Variants in ARHGEF3 observed in about 807,000 individuals in gnomAD.
The protein encoded by ARHGEF3 is 59.8 kDA protein.
Under a neutral mutation model 63.2 loss-of-function variants are expected in ARHGEF3, and 28 were observed. The observed-to-expected ratio is 0.44, with a 90% CI of 0.33 to 0.61. The LOEUF is 0.61. Ranked by LOEUF, ARHGEF3 falls within the 20% of genes least tolerant of loss-of-function variation. The pLI, the probability that ARHGEF3 is intolerant of heterozygous loss-of-function variation, is 0.03. For synonymous variants in ARHGEF3, 266 were observed against 254.2 expected, an observed-to-expected ratio of 1.05 and a Z score of -0.44; for missense variants, 533 against 659.3, an observed-to-expected ratio of 0.81 and a Z score of 2.10.
At chr3:56,964,432 T>C (rs1232430297) in intron 2 of ARHGEF3, among the ~76,000 whole-genome samples, 1 of 152,096 alleles carries the variant, frequency 6.6e-6, no homozygotes, top group African/African-American at 2.4e-5. Context: ...TGAATCCTCT[T>C]TCCAGCAGTC....
chr3:56,824,283 G>T (rs1480120712), intron 4 of ARHGEF3, among the ~76,000 whole-genome samples: 1 of 152,224 alleles, frequency 6.6e-6, no homozygotes, highest in African/African-American at 2.4e-5. Context: ...TGGAGATTTT[G>T]TTGTGGTGGT....
chr3:56,857,550 A>G (rs1483544134), intron 4 of ARHGEF3, among the ~76,000 whole-genome samples: 1 of 152,208 alleles, frequency 6.6e-6, no homozygotes, highest in Admixed American at 6.5e-5. Context: ...ATAGTTTAGT[A>G]ATTGAGTCAG....
chr3:56,967,162 C>CT (rs1165656871), intron 2 of ARHGEF3, among the ~76,000 whole-genome samples: 122 of 137,480 alleles, frequency 8.9e-4, no homozygotes, highest in Admixed American at 2.6e-3. Context: ...CGCGCCCAGC[C>CT]TTTTTTTTTT....
chr3:56,799,734 C>A (rs117399024), intron 1 of ARHGEF3, among the ~76,000 whole-genome samples: 1,726 of 152,320 alleles, frequency 0.011, 73 homozygotes, highest in East Asian at 0.1. Context: ...CCACTAAACT[C>A]ACTTAGGTTT....
At chr3:56,814,552 A>T (rs1026077941) in intron 4 of ARHGEF3, among the ~76,000 whole-genome samples, 3 of 152,240 alleles carry the variant, frequency 2.0e-5, no homozygotes, top group Non-Finnish European at 4.4e-5. Context: ...GGTTTTAATG[A>T]GTTAAAAACA....
intron 1 of ARHGEF3, among the ~76,000 whole-genome samples, chr3:57,052,631 T>C (rs1704724765): frequency 6.6e-6 from 1 of 152,054 alleles, no homozygotes; most frequent in Admixed American, 6.6e-5. Context: ...ACTTTCCTCA[T>C]CTTCTCTAGA....
chr3:56,740,196 C>T lies in ARHGEF3; in HGVS notation c.871-2841G>A, dbSNP rs1305184971. On this transcript the variant is annotated intron_variant, in intron 7 of 9. Coordinates refer to ENST00000296315, the MANE Select transcript of ARHGEF3 (RefSeq NM_019555.3). ...TACAGGCATGAGCCACCATGCCTGG[C>T]CAAAAGTTTCAGATATTTCTTTATT... is the stretch of plus-strand genomic sequence containing the variant. Among the ~76,000 whole-genome samples the T allele has an allele frequency of 2.0e-5, 3 of 151,746 alleles. No homozygotes were observed. In the East Asian group the frequency reaches 5.8e-4, roughly 29 times the overall value.
intron 1 of ARHGEF3, among the ~76,000 whole-genome samples, chr3:56,777,308 A>G (rs1406922254): frequency 6.6e-6 from 1 of 152,128 alleles, no homozygotes; most frequent in Admixed American, 6.5e-5. Flanking sequence ...AGAGAAGAAA[A>G]GAAGCGACGG....
chr3:56,751,475 A>C (rs2034739816), intron 4 of ARHGEF3, 79 bp from the exon 5 acceptor site: 2 of 1,204,370 alleles, frequency 1.7e-6, no homozygotes, highest in South Asian at 2.6e-5. Flanking sequence ...GGCTCCTGAG[A>C]GGTCCTATCC....
At chr3:56,841,138 G>C (rs1184173803) in intron 4 of ARHGEF3, among the ~76,000 whole-genome samples, 1 of 152,098 alleles carries the variant, frequency 6.6e-6, no homozygotes, top group Non-Finnish European at 1.5e-5. Flanking sequence ...AGGTCAAAAC[G>C]GAATGACGAA....
intron 4 of ARHGEF3, among the ~76,000 whole-genome samples, chr3:56,833,761 T>C (rs965507209): frequency 3.9e-5 from 6 of 152,220 alleles, no homozygotes; most frequent in Non-Finnish European, 5.9e-5. Context: ...TCACCACATG[T>C]TCACTTTCTT....
intron 1 of ARHGEF3, chr3:56,775,088 C>T (rs763630398): frequency 6.4e-7 from 1 of 1,551,204 alleles, no homozygotes. Flanking sequence ...CCAAAGTAGC[C>T]AATTGTGGTG....
intron 1 of ARHGEF3, among the ~76,000 whole-genome samples, chr3:57,048,551 T>C (rs999114046): frequency 4.6e-5 from 7 of 151,958 alleles, no homozygotes; most frequent in African/African-American, 1.5e-4. Context: ...ACAATGGAAA[T>C]AGACAGATGC....
intron 4 of ARHGEF3, among the ~76,000 whole-genome samples, chr3:56,859,967 C>T (rs1012048279): frequency 6.7e-6 from 1 of 149,352 alleles, no homozygotes; most frequent in Non-Finnish European, 1.5e-5. Context: ...TCCAGACCAG[C>T]CTGGGTAACA....
At chr3:56,893,811 CAAAAAAAAAAAAA>C (rs537483698) in intron 3 of ARHGEF3, among the ~76,000 whole-genome samples, 8 of 79,556 alleles carry the variant, frequency 1.0e-4, no homozygotes, top group African/African-American at 3.0e-4. Flanking sequence ...GACTCTGTCT[CAAAAAAAAAAAAA>C]AAAAAAAAAA....
chr3:57,065,860 T>C (rs1031097574), intron 1 of ARHGEF3, among the ~76,000 whole-genome samples: 5 of 152,102 alleles, frequency 3.3e-5, no homozygotes, highest in Non-Finnish European at 7.4e-5. Flanking sequence ...ATGCACCAAT[T>C]TGTTGCAGAT....
intron 1 of ARHGEF3, among the ~76,000 whole-genome samples, chr3:57,057,102 T>G (rs1704976390): frequency 6.6e-6 from 1 of 152,102 alleles, no homozygotes; most frequent in South Asian, 2.1e-4. Context: ...GTTTCTGCAT[T>G]TTTTAATTTT....
chr3:56,977,024 G>A (rs974493851), intron 2 of ARHGEF3, among the ~76,000 whole-genome samples: 2 of 151,982 alleles, frequency 1.3e-5, no homozygotes, highest in Admixed American at 1.3e-4. Context: ...CTTTTTATGA[G>A]GATTAACTCA....
chr3:56,866,477 T>C (rs778365847), intron 4 of ARHGEF3, among the ~76,000 whole-genome samples: 7 of 152,280 alleles, frequency 4.6e-5, no homozygotes, highest in Non-Finnish European at 8.8e-5. Context: ...TTCCACCTTG[T>C]CCAGCAGGGA....
Sources: gnomAD v4.1 joint callset for allele counts (sites outside exome capture counted in the v4.1 genomes callset) on GRCh38, gnomAD v4.1.1 for gene constraint, MANE v1.5 for transcripts, NCBI Gene and HGNC (gene_info 2026-07-23, HGNC 2026-07-21) for gene names.